Variants in MACROD2 observed in about 807,000 individuals in gnomAD.
MACROD2 encodes the protein mono-ADP ribosylhydrolase 2, also known as ADP-ribose glycohydrolase MACROD2.
Under a neutral mutation model 70.4 loss-of-function variants are expected in MACROD2, and 36 were observed. The ratio of observed to expected loss-of-function variants is 0.51; its 90% CI spans 0.39 to 0.68. The LOEUF (loss-of-function observed/expected upper bound fraction) is 0.68, where lower values mean the gene tolerates loss of function less well. MACROD2 is among the 30% of genes least tolerant of loss of function. The pLI, the probability that MACROD2 is intolerant of heterozygous loss-of-function variation, is 0.00. For synonymous variants in MACROD2, 172 were observed against 178.8 expected (o/e 0.96, Z 0.30); for missense variants, 496 against 538.4 (o/e 0.92, Z 0.78).
At chr20:14,889,653 G>A (rs2073728010) in intron 5 of MACROD2, among the ~76,000 whole-genome samples, 1 of 152,108 alleles carries the variant, frequency 6.6e-6, no homozygotes, top group Admixed American at 6.5e-5. Flanking sequence ...GATAATTGTG[G>A]ATAAATCAAA....
chr20:16,021,242 G>A (rs1332269930), intron 15 of MACROD2, among the ~76,000 whole-genome samples: 2 of 152,058 alleles, frequency 1.3e-5, no homozygotes, highest in East Asian at 3.8e-4. Flanking sequence ...TCTTCCCCTT[G>A]CCCACAGCCT....
intron 15 of MACROD2, among the ~76,000 whole-genome samples, chr20:15,989,637 G>A (rs548458259): frequency 3.2e-4 from 48 of 151,682 alleles, no homozygotes; most frequent in African/African-American, 1.1e-3. Context: ...AAAACATTTC[G>A]AGGCTATAGC....
chr20:15,085,404 T>C (rs2075739287), intron 5 of MACROD2, among the ~76,000 whole-genome samples: 1 of 152,010 alleles, frequency 6.6e-6, no homozygotes, highest in South Asian at 2.1e-4. Flanking sequence ...TTGAACTTCA[T>C]CAAAATTAAA....
At chr20:14,045,105 C>G (rs1350796472) in intron 2 of MACROD2, among the ~76,000 whole-genome samples, 2 of 152,256 alleles carry the variant, frequency 1.3e-5, no homozygotes, top group Non-Finnish European at 2.9e-5. Context: ...CCACGCCCAC[C>G]TGGAACTTCG....
intron 4 of MACROD2, among the ~76,000 whole-genome samples, chr20:14,625,817 G>GT (rs1249407103): frequency 5.3e-5 from 8 of 151,614 alleles, no homozygotes; most frequent in African/African-American, 1.2e-4. Flanking sequence ...GAGTTTCTGG[G>GT]TTTTTTTTGT....
At position 14,850,324 on chromosome 20, in the gene MACROD2, G is replaced by T. The variant is rs6042951; in HGVS notation, c.418+165365G>T. ...GAATGTTCATAAAGATATGCAAATGGACTTTGAAATGGAAAAAATGCAAAT... is the reference window on the plus strand; with the variant it reads ...GAATGTTCATAAAGATATGCAAATGTACTTTGAAATGGAAAAAATGCAAAT... On this transcript the variant is annotated intron_variant, in intron 5 of 17. Coordinates refer to ENST00000684519, the MANE Select transcript of MACROD2 (RefSeq NM_001351661.2). 3.1e-3 allele frequency: 488 copies of T among 157,998 alleles called. 3 individuals carry two copies. Among genetic ancestry groups the T allele is most frequent in the African/African-American group, 0.011 (459 of 41,588 alleles). 9.8% of individuals were successfully genotyped at this position (157,998 alleles called of 1,614,324 possible). A position where few individuals can be genotyped will look rare whatever the true frequency, so the allele number is the denominator to read the frequency against.
At chr20:16,032,400 A>G (rs1314280530) in intron 15 of MACROD2, among the ~76,000 whole-genome samples, 2 of 152,096 alleles carry the variant, frequency 1.3e-5, no homozygotes, top group Non-Finnish European at 2.9e-5. Context: ...CTAAAATGAA[A>G]CTTGACATTA....
chr20:14,771,035 G>A (rs1197766170), intron 5 of MACROD2, among the ~76,000 whole-genome samples: 1 of 152,078 alleles, frequency 6.6e-6, no homozygotes, highest in Non-Finnish European at 1.5e-5. Context: ...ATTGGAATCA[G>A]CAGACTGCAT....
chr20:16,006,606 TG>T (rs2066791723), intron 15 of MACROD2, among the ~76,000 whole-genome samples: 6 of 152,202 alleles, frequency 3.9e-5, no homozygotes, highest in African/African-American at 1.4e-4. Flanking sequence ...TTTATTGAAA[TG>T]GAGTGGAGTA....
chr20:14,778,694 G>T (rs1315183491), intron 5 of MACROD2, among the ~76,000 whole-genome samples: 1 of 152,118 alleles, frequency 6.6e-6, no homozygotes, highest in East Asian at 1.9e-4. Flanking sequence ...AGTGATTTGG[G>T]ATGTGCTCCT....
chr20:14,860,744 C>G (rs1268838503), intron 5 of MACROD2, among the ~76,000 whole-genome samples: 2 of 152,068 alleles, frequency 1.3e-5, no homozygotes, highest in Admixed American at 6.6e-5. Flanking sequence ...AAGGCTGTGA[C>G]CACACAGCCT....
At chr20:14,739,567 A>C (rs1022267583) in intron 5 of MACROD2, among the ~76,000 whole-genome samples, 1 of 152,052 alleles carries the variant, frequency 6.6e-6, no homozygotes, top group African/African-American at 2.4e-5. Flanking sequence ...CTACTCAAAA[A>C]TTAAATATTA....
At chr20:15,429,528 G>A (rs1054686820) in intron 6 of MACROD2, among the ~76,000 whole-genome samples, 2 of 151,992 alleles carry the variant, frequency 1.3e-5, no homozygotes, top group Admixed American at 6.6e-5. Context: ...AAATTTTGAC[G>A]TTTTTAATAG....
intron 4 of MACROD2, among the ~76,000 whole-genome samples, chr20:14,576,136 A>G (rs1303830406): frequency 6.6e-6 from 1 of 152,172 alleles, no homozygotes; most frequent in African/African-American, 2.4e-5. Context: ...AAGATTCCCC[A>G]GCCCCACGAC....
intron 6 of MACROD2, among the ~76,000 whole-genome samples, chr20:15,374,111 C>T (rs1402396887): frequency 6.6e-6 from 1 of 151,958 alleles, no homozygotes; most frequent in Non-Finnish European, 1.5e-5. Context: ...TCATGGAAGA[C>T]TCTTGATATG....
intron 5 of MACROD2, among the ~76,000 whole-genome samples, chr20:14,900,119 C>G (rs540528553): frequency 2.0e-5 from 3 of 152,174 alleles, no homozygotes; most frequent in Middle Eastern, 3.4e-3. Flanking sequence ...TACATGATTA[C>G]TTTTCATATG....
intron 8 of MACROD2, among the ~76,000 whole-genome samples, chr20:15,828,091 G>A (rs1369400297): frequency 1.3e-5 from 2 of 152,124 alleles, no homozygotes; most frequent in African/African-American, 2.4e-5. Context: ...TTAATAATGT[G>A]TTGTGTATTT....
intron 8 of MACROD2, among the ~76,000 whole-genome samples, chr20:15,772,102 ATATAT>A (rs1371183405): frequency 4.8e-4 from 37 of 77,518 alleles, no homozygotes; most frequent in African/African-American, 1.8e-3. Context: ...AAAAAAAAAA[ATATAT>A]ATATATATAT....
At chr20:15,590,303 A>G (rs996004207) in intron 8 of MACROD2, among the ~76,000 whole-genome samples, 1 of 152,192 alleles carries the variant, frequency 6.6e-6, no homozygotes, top group South Asian at 2.1e-4. Flanking sequence ...GCAAGAGTTC[A>G]TATTTCCAGT....
Sources: gnomAD v4.1 joint callset for allele counts (sites outside exome capture counted in the v4.1 genomes callset) on GRCh38, gnomAD v4.1.1 for gene constraint, MANE v1.5 for transcripts, NCBI Gene and HGNC (gene_info 2026-07-23, HGNC 2026-07-21) for gene names.